Variants in KIF6 observed in about 807,000 individuals in gnomAD.
The protein encoded by KIF6 is kinesin-like protein KIF6.
In KIF6, 106 loss-of-function variants were observed where a neutral mutation model predicts 112.7. That is an observed-to-expected ratio of 0.94 (90% CI 0.80 to 1.11). The LOEUF (loss-of-function observed/expected upper bound fraction) is 1.11, where lower values mean the gene tolerates loss of function less well. Among genes scored for constraint, KIF6 ranks in the 50% least tolerant of loss-of-function variants. KIF6 has a pLI of 0.00. For missense variants in KIF6, 929 were observed against 964.0 expected, an observed-to-expected ratio of 0.96 and a Z score of 0.48; for synonymous variants, 339 against 339.9, an observed-to-expected ratio of 1.00 and a Z score of 0.03.
At position 39,553,042 on chromosome 6, in the gene KIF6, G is replaced by A. The variant is rs367899670; in HGVS notation, c.1182-7354C>T. Reference sequence around the variant, plus strand: ...TGTTTGCTTTTTCTGAGATTCTGCTGAAAGAATCAATTCCAATTGACTTAA... The same window carrying A: ...TGTTTGCTTTTTCTGAGATTCTGCTAAAAGAATCAATTCCAATTGACTTAA... On this transcript the variant is annotated intron_variant, in intron 10 of 22. Transcript: ENST00000287152. Among the ~76,000 whole-genome samples the A allele has an allele frequency of 3.9e-4, 59 of 152,296 alleles. 1 individual carries two copies. Among genetic ancestry groups the A allele is most frequent in the African/African-American group, 1.1e-3 (46 of 41,564 alleles).
intron 13 of KIF6, among the ~76,000 whole-genome samples, chr6:39,439,861 G>A (rs947727518): frequency 1.3e-5 from 2 of 152,068 alleles, no homozygotes; most frequent in Non-Finnish European, 2.9e-5. Context: ...TTGGGCCTGC[G>A]GTCTGATTTC....
chr6:39,688,809 G>A (rs543938161), intron 3 of KIF6, among the ~76,000 whole-genome samples: 48 of 152,342 alleles, frequency 3.2e-4, no homozygotes, highest in African/African-American at 8.7e-4. Flanking sequence ...GAATAAAGAT[G>A]ATCTAAGTCT....
intron 3 of KIF6, among the ~76,000 whole-genome samples, chr6:39,709,426 G>A (rs560584271): frequency 6.6e-6 from 1 of 152,314 alleles, no homozygotes; most frequent in South Asian, 2.1e-4. Context: ...GCTCCTATGA[G>A]GATCTAATGC....
At chr6:39,697,919 A>G (rs1012881026) in intron 3 of KIF6, among the ~76,000 whole-genome samples, 32 of 152,326 alleles carry the variant, frequency 2.1e-4, no homozygotes, top group African/African-American at 7.0e-4. Context: ...TTGGGAAACT[A>G]CAGCATCAAC....
chr6:39,540,173 G>A lies in KIF6; in HGVS notation c.1475C>T (p.Ala492Val). ...TCTATCCATGCCAGCCAAGTGGAGA[G>A]CCTCCTGAGCTTTCTTCTTTTCTTT... Reference protein sequence around the residue: ...LKKEKKKAQEALHLAGMDRRE... With the variant: ...LKKEKKKAQEVLHLAGMDRRE... Residue 492 changes from alanine (A) to valine (V), a missense_variant, in exon 13 of 23, where the codon GCT becomes GTT. Transcript: ENST00000287152. 1 of 1,613,530 alleles carries A rather than the reference G, an allele frequency of 6.2e-7. No individual in the cohort carries two copies. Among genetic ancestry groups the A allele is most frequent in the Non-Finnish European group, 8.5e-7 (1 of 1,179,916 alleles).
intron 15 of KIF6, among the ~76,000 whole-genome samples, chr6:39,416,228 A>T (rs1269807209): frequency 3.9e-5 from 6 of 152,252 alleles, no homozygotes; most frequent in Admixed American, 3.9e-4. Flanking sequence ...TAAAACAGTG[A>T]TGATGTAAAA....
At chr6:39,692,782 G>A (rs577085777) in intron 3 of KIF6, among the ~76,000 whole-genome samples, 67 of 152,044 alleles carry the variant, frequency 4.4e-4, no homozygotes, top group East Asian at 9.6e-4. Context: ...ACTCTTACTC[G>A]TCCTTAAAGG....
chr6:39,391,959 ATG>A (rs1344259277), intron 15 of KIF6, among the ~76,000 whole-genome samples: 10 of 151,350 alleles, frequency 6.6e-5, no homozygotes, highest in South Asian at 2.1e-4. Context: ...ATATATATAT[ATG>A]TGTGTGTGTG....
chr6:39,637,064 T>C (rs1784654961), intron 4 of KIF6, among the ~76,000 whole-genome samples: 1 of 152,110 alleles, frequency 6.6e-6, no homozygotes, highest in South Asian at 2.1e-4. Flanking sequence ...ATTGTTTTTA[T>C]TATTATTTCT....
intron 9 of KIF6, among the ~76,000 whole-genome samples, chr6:39,579,945 C>T (rs939722220): frequency 3.8e-4 from 58 of 151,736 alleles, no homozygotes; most frequent in Middle Eastern, 3.4e-3. Flanking sequence ...AAGATAAGCC[C>T]GTTTCATCCT....
chr6:39,650,535 TTA>T (rs1360575420), intron 3 of KIF6, among the ~76,000 whole-genome samples: 5 of 151,572 alleles, frequency 3.3e-5, no homozygotes, highest in African/African-American at 4.8e-5. Context: ...CTTATTTACA[TTA>T]TCTTATTTAC....
intron 9 of KIF6, among the ~76,000 whole-genome samples, chr6:39,578,996 T>C (rs965342355): frequency 1.6e-4 from 24 of 152,342 alleles, no homozygotes; most frequent in African/African-American, 5.1e-4. Flanking sequence ...CTCCTGTTGA[T>C]GAACATTTAG....
At chr6:39,572,039 T>C (rs955244482) in intron 10 of KIF6, among the ~76,000 whole-genome samples, 1 of 152,190 alleles carries the variant, frequency 6.6e-6, no homozygotes, top group African/African-American at 2.4e-5. Context: ...TTTATTATCA[T>C]AGTGAGTAAA....
intron 3 of KIF6, among the ~76,000 whole-genome samples, chr6:39,678,470 T>C (rs1023898002): frequency 1.3e-5 from 2 of 152,222 alleles, no homozygotes; most frequent in Admixed American, 6.5e-5. Flanking sequence ...AGGCCAGGCT[T>C]TTCTTTCTTT....
chr6:39,710,858 T>C (rs1207085900), intron 3 of KIF6, among the ~76,000 whole-genome samples: 3 of 151,866 alleles, frequency 2.0e-5, no homozygotes, highest in Non-Finnish European at 4.4e-5. Flanking sequence ...ACCCCATCTC[T>C]ATAAAAAATT....
chr6:39,500,596 T>C (rs1410160417), intron 13 of KIF6, among the ~76,000 whole-genome samples: 1 of 152,206 alleles, frequency 6.6e-6, no homozygotes, highest in African/African-American at 2.4e-5. Context: ...TTAACCTTTC[T>C]CCTCCTGGGT....
At chr6:39,640,002 T>C (rs1385022692) in intron 3 of KIF6, among the ~76,000 whole-genome samples, 5 of 152,138 alleles carry the variant, frequency 3.3e-5, no homozygotes. Context: ...ATCTTAAATA[T>C]ATTCTTCATC....
rs1581780323 is a variant in KIF6, at chr6:39,405,579, T to G, written c.1810+14369A>C. The stretch of plus-strand genomic sequence containing the variant: ...TAAGCCTCACTTGGTCATGGTATAT[T>G]AGTCTTTTTATATATTGTTGTATTC... On this transcript the variant is annotated intron_variant, in intron 15 of 22. Coordinates refer to ENST00000287152, the MANE Select transcript of KIF6 (RefSeq NM_145027.6). Among the ~76,000 whole-genome samples, 3 of 152,180 alleles carry G rather than the reference T, an allele frequency of 2.0e-5. No homozygotes were observed. In the East Asian group the frequency reaches 5.8e-4, roughly 29 times the overall value.
At chr6:39,420,947 C>T (rs566360917) in intron 14 of KIF6, among the ~76,000 whole-genome samples, 62 of 152,312 alleles carry the variant, frequency 4.1e-4, no homozygotes, top group African/African-American at 1.4e-3. Context: ...GAGACACCCA[C>T]GATGAGCCAA....
Sources: gnomAD v4.1 joint callset for allele counts (sites outside exome capture counted in the v4.1 genomes callset) on GRCh38, gnomAD v4.1.1 for gene constraint, MANE v1.5 for transcripts, NCBI Gene and HGNC (gene_info 2026-07-23, HGNC 2026-07-21) for gene names.